Variants in RSU1 observed in about 807,000 individuals in gnomAD.
RSU1 encodes rsu-1.
Under a neutral mutation model 31.1 loss-of-function variants are expected in RSU1, and 26 were observed. The observed-to-expected ratio is 0.84, with a 90% CI of 0.61 to 1.16. RSU1 has a LOEUF of 1.16. Among genes scored for constraint, RSU1 ranks in the 50% most tolerant of loss-of-function variants. The probability of loss-of-function intolerance (pLI) is 0.00; values close to 1 mark genes in which losing one functional copy is unlikely to be tolerated. For synonymous variants in RSU1, 164 were observed against 136.3 expected (o/e 1.20, Z -1.41); for missense variants, 320 against 339.1 (o/e 0.94, Z 0.44).
chr10:16,707,609 G>C (rs1012773132), intron 7 of RSU1, among the ~76,000 whole-genome samples: 1 of 141,988 alleles, frequency 7.0e-6, no homozygotes, highest in East Asian at 2.1e-4. Context: ...TTTATGTTCT[G>C]AATATTAACC....
intron 2 of RSU1, among the ~76,000 whole-genome samples, chr10:16,799,803 C>CGCTCACA (rs1838112226): frequency 6.6e-6 from 1 of 152,110 alleles, no homozygotes; most frequent in African/African-American, 2.4e-5. Flanking sequence ...AACTCCAGCC[C>CGCTCACA]GCTCACACCT....
intron 2 of RSU1, among the ~76,000 whole-genome samples, chr10:16,793,686 C>A (rs1837972626): frequency 6.6e-6 from 1 of 152,032 alleles, no homozygotes; most frequent in Non-Finnish European, 1.5e-5. Flanking sequence ...TGAGCTACAG[C>A]TACTCTGCAA....
chr10:16,633,013 C>A (rs765569496), intron 8 of RSU1, among the ~76,000 whole-genome samples: 3 of 152,096 alleles, frequency 2.0e-5, no homozygotes, highest in Admixed American at 6.5e-5. Context: ...ATTTATGGTA[C>A]CTTTAGACTA....
At chr10:16,795,815 G>A (rs1385841642) in intron 2 of RSU1, among the ~76,000 whole-genome samples, 1 of 152,286 alleles carries the variant, frequency 6.6e-6, no homozygotes, top group East Asian at 1.9e-4. Flanking sequence ...AAAATTGGGT[G>A]TATCTTCAAC....
intron 7 of RSU1, among the ~76,000 whole-genome samples, chr10:16,740,156 A>G (rs1354721990): frequency 1.3e-5 from 2 of 152,210 alleles, no homozygotes; most frequent in Non-Finnish European, 2.9e-5. Flanking sequence ...CTATAATACC[A>G]GAAGAAAACT....
chr10:16,655,536 T>C (rs554789071), intron 8 of RSU1, among the ~76,000 whole-genome samples: 1 of 152,312 alleles, frequency 6.6e-6, no homozygotes, highest in African/African-American at 2.4e-5. Flanking sequence ...TAATTATATA[T>C]TATATACAAT....
chr10:16,684,218 G>T (rs1835394580), intron 8 of RSU1, among the ~76,000 whole-genome samples: 2 of 152,160 alleles, frequency 1.3e-5, no homozygotes, highest in Non-Finnish European at 2.9e-5. Context: ...ATATAGCAAA[G>T]AAACATGTTT....
intron 7 of RSU1, among the ~76,000 whole-genome samples, chr10:16,708,209 A>G (rs1436715654): frequency 6.6e-6 from 1 of 151,646 alleles, no homozygotes; most frequent in Non-Finnish European, 1.5e-5. Context: ...CGGATAACAT[A>G]GTCAATTAAC....
rs1192137975 is a variant in RSU1, at chr10:16,591,448, C to T, written c.*1946G>A. 1.3e-5 allele frequency: 2 copies of T among 152,154 alleles called. No individual in the cohort carries two copies. The highest frequency in any genetic ancestry group is 2.1e-4 in the South Asian group (1 of 4,818). The allele number at this position is 152,154 out of a possible 1,614,324, so 9.4% of individuals were successfully genotyped here. A position where few individuals can be genotyped will look rare whatever the true frequency, so the allele number is the denominator to read the frequency against. On this transcript the variant is annotated 3_prime_UTR_variant, in exon 9 of 9. Transcript: ENST00000345264. ...ACAATCTTAAGGTTTTGCCACCTAT[C>T]GTCAAACTGCTACGGCCTTTCTGGA...
At chr10:16,728,519 C>T (rs7079599) in intron 7 of RSU1, among the ~76,000 whole-genome samples, 17,086 of 152,194 alleles carry the variant, frequency 0.11, 2,311 homozygotes, top group African/African-American at 0.33. Context: ...AAAGAAACCA[C>T]TTTCACAAAC....
rs534272036 is a variant in RSU1 at position 16,639,353 on chromosome 10, G to A, written c.732-45857C>T. On this transcript the variant is annotated intron_variant, in intron 8 of 8. Transcript: ENST00000345264. Reference sequence around the variant, plus strand: ...AATTTCCCTCAAACCATTTTCAAACGATGGCAAAACAGCAGCCCTTACTAT... The same window carrying A: ...AATTTCCCTCAAACCATTTTCAAACAATGGCAAAACAGCAGCCCTTACTAT... 4.3e-4 allele frequency among the ~76,000 whole-genome samples: 66 copies of A among 152,234 alleles called. No individual in the cohort carries two copies. The South Asian group carries it at 0.01, about 24-fold the overall frequency.
intron 7 of RSU1, 104 bp downstream of exon 7, chr10:16,752,435 G>C (rs970770241): frequency 1.3e-6 from 1 of 792,512 alleles, no homozygotes; most frequent in African/African-American, 1.7e-5. Context: ...TGCCTAGGTG[G>C]AGAGTAGTTG....
At chr10:16,692,796 C>T (rs1056306521) in intron 8 of RSU1, among the ~76,000 whole-genome samples, 7 of 152,122 alleles carry the variant, frequency 4.6e-5, no homozygotes, top group Admixed American at 1.3e-4. Flanking sequence ...ACAATTAATA[C>T]ACATCCTATA....
At chr10:16,667,918 T>C (rs1253597697) in intron 8 of RSU1, among the ~76,000 whole-genome samples, 1 of 152,180 alleles carries the variant, frequency 6.6e-6, no homozygotes, top group African/African-American at 2.4e-5. Flanking sequence ...AAAAGTTACA[T>C]TCTAGTAGAA....
intron 8 of RSU1, among the ~76,000 whole-genome samples, chr10:16,675,439 C>T (rs1385383764): frequency 6.6e-6 from 1 of 151,986 alleles, no homozygotes; most frequent in Admixed American, 6.6e-5. Context: ...AGTATAAAAC[C>T]TAGAAGGAGG....
At chr10:16,763,774 C>T (rs187158989) in intron 4 of RSU1, among the ~76,000 whole-genome samples, 3 of 152,280 alleles carry the variant, frequency 2.0e-5, no homozygotes, top group East Asian at 1.9e-4. Flanking sequence ...ACCTGCCCTC[C>T]GTACCTCACA....
intron 8 of RSU1, among the ~76,000 whole-genome samples, chr10:16,668,226 A>G (rs1474609524): frequency 2.6e-5 from 4 of 152,180 alleles, no homozygotes; most frequent in Non-Finnish European, 5.9e-5. Context: ...ACATTAGATG[A>G]GGTTGTTTTC....
intron 7 of RSU1, among the ~76,000 whole-genome samples, chr10:16,712,180 A>C (rs1025324758): frequency 6.6e-6 from 1 of 151,986 alleles, no homozygotes; most frequent in Non-Finnish European, 1.5e-5. Context: ...TTTGTATGGA[A>C]TATGTTTTTC....
chr10:16,787,570 G>A (rs1465928803), intron 2 of RSU1, among the ~76,000 whole-genome samples: 1 of 152,136 alleles, frequency 6.6e-6, no homozygotes, highest in Non-Finnish European at 1.5e-5. Context: ...ACATGTCAAG[G>A]GCGGGGCCAG....
Sources: allele counts gnomAD v4.1 joint callset (sites outside exome capture counted in the v4.1 genomes callset), GRCh38; gene constraint gnomAD v4.1.1; transcripts MANE v1.5; gene names NCBI Gene and HGNC (gene_info 2026-07-23, HGNC 2026-07-21).